Variants in CATIP observed in about 807,000 individuals in gnomAD.
The protein encoded by CATIP is ciliogenesis associated TTC17 interacting protein.
In CATIP, 40 loss-of-function variants were observed where a neutral mutation model predicts 42.5. The ratio of observed to expected loss-of-function variants is 0.94; its 90% CI spans 0.73 to 1.22. The LOEUF (loss-of-function observed/expected upper bound fraction) is 1.22. Ranked by LOEUF, CATIP falls within the 50% of genes most tolerant of loss-of-function variation. The pLI is 0.00. For synonymous variants in CATIP, 222 were observed against 200.2 expected (o/e 1.11, Z -0.92); for missense variants, 489 against 496.0 (o/e 0.99, Z 0.13).
intron 6 of CATIP, among the ~76,000 whole-genome samples, chr2:218,363,211 T>C (rs1041766452): frequency 4.6e-5 from 7 of 151,956 alleles, no homozygotes; most frequent in East Asian, 1.9e-4. Flanking sequence ...CCAGGTGTGG[T>C]GGCTCACGCC....
chr2:218,357,718 C>CGGAAATTCCCTCCTGGGTA lies in CATIP; in HGVS notation c.305_319+4dup, dbSNP rs776215081. On this transcript the variant is annotated frameshift_variant, in exon 3 of 10. Coordinates refer to ENST00000289388, the MANE Select transcript of CATIP (RefSeq NM_198559.2). LOFTEE classifies it high-confidence loss of function. The stretch of plus-strand genomic sequence containing the variant: ...GAGGCTTCTTGGACAAAATGCTCTG[C>CGGAAATTCCCTCCTGGGTA]GGAAATTCCCTCCTGGGTAGCGTTC... 14 of 1,613,376 alleles carry CGGAAATTCCCTCCTGGGTA rather than the reference C, an allele frequency of 8.7e-6. No homozygotes were observed. The highest frequency in any genetic ancestry group is 1.3e-5 in the African/African-American group (1 of 74,878).
At chr2:218,363,664 C>A (rs1168501022) in intron 6 of CATIP, among the ~76,000 whole-genome samples, 4 of 151,052 alleles carry the variant, frequency 2.6e-5, no homozygotes, top group Non-Finnish European at 5.9e-5. Context: ...TTATTAGCTG[C>A]GTGTGGTGGC....
Position 218,364,590 on chromosome 2 carries a change from C to T in CATIP, c.631-38C>T, listed in dbSNP as rs780926329. The T allele has an allele frequency of 2.1e-4, 344 of 1,609,016 alleles. 1 individual carries two copies. In the Middle Eastern group the frequency reaches 5.1e-3, roughly 24 times the overall value. ...TGATGGGGAGCCCTTGGCGGGCATC[C>T]ACCTTACCTCCCACCCCCCAATTTT... On this transcript the variant is annotated intron_variant, in intron 6 of 9. Transcript: ENST00000289388.
Position 218,368,033 on chromosome 2 carries a change from G to A in CATIP, c.*69G>A, listed in dbSNP as rs1037087357. 4 of 1,437,746 alleles carry A rather than the reference G, an allele frequency of 2.8e-6. No individual in the cohort carries two copies. Among genetic ancestry groups the A allele is most frequent in the Non-Finnish European group, 3.6e-6 (4 of 1,102,154 alleles). 89.1% of individuals were successfully genotyped at this position (1,437,746 alleles called of 1,614,324 possible). ...TGGGACGCGGGCGGGACGCGCCGGGGCGGGTGCGCTTTCCGGGCTGCGGTT... is the reference window on the plus strand; with the variant it reads ...TGGGACGCGGGCGGGACGCGCCGGGACGGGTGCGCTTTCCGGGCTGCGGTT... On this transcript the variant is annotated 3_prime_UTR_variant, in exon 10 of 10. Coordinates refer to ENST00000289388, the MANE Select transcript of CATIP (RefSeq NM_198559.2).
intron 7 of CATIP, chr2:218,366,012 A>C (rs928546212): frequency 6.6e-6 from 1 of 152,088 alleles, no homozygotes; most frequent in African/African-American, 2.4e-5. Context: ...ACAGGCTTTC[A>C]CCATGTTGGC....
intron 5 of CATIP, among the ~76,000 whole-genome samples, chr2:218,362,524 T>C (rs763991567): frequency 6.6e-6 from 1 of 151,864 alleles, no homozygotes; most frequent in Non-Finnish European, 1.5e-5. Context: ...TCCCTGCTAC[T>C]TGAAAGGCTG....
intron 5 of CATIP, 51 bp downstream of exon 5, chr2:218,360,710 T>C (rs757436864): frequency 7.4e-7 from 1 of 1,358,690 alleles, no homozygotes; most frequent in East Asian, 2.3e-5. Context: ...GAACCCAGAA[T>C]ATCTGAGACA....
At chr2:218,365,255 A>G (rs1352325686) in intron 7 of CATIP, among the ~76,000 whole-genome samples, 2 of 152,124 alleles carry the variant, frequency 1.3e-5, no homozygotes, top group African/African-American at 4.8e-5. Context: ...TCTACTAAAA[A>G]TACAAAAAAT....
chr2:218,363,515 C>A (rs1022568041), intron 6 of CATIP, among the ~76,000 whole-genome samples: 3 of 140,734 alleles, frequency 2.1e-5, no homozygotes, highest in Non-Finnish European at 4.6e-5. Context: ...AAAAAAACGT[C>A]ATTTTGGCCA....
intron 6 of CATIP, among the ~76,000 whole-genome samples, chr2:218,364,410 A>G (rs1038100621): frequency 6.6e-6 from 1 of 152,186 alleles, no homozygotes; most frequent in African/African-American, 2.4e-5. Context: ...GCCAACTAGA[A>G]GCACCTGGTC....
intron 8 of CATIP, 120 bp downstream of exon 8, chr2:218,367,220 C>G: frequency 2.4e-6 from 2 of 826,080 alleles, no homozygotes; most frequent in Non-Finnish European, 3.9e-6. Context: ...AGCCTGGAAT[C>G]AGCTGGAGAA....
chr2:218,361,270 AGGG>A (rs1695225272), intron 5 of CATIP, among the ~76,000 whole-genome samples: 1 of 151,380 alleles, frequency 6.6e-6, no homozygotes, highest in Admixed American at 6.6e-5. Context: ...GCTACTCGGG[AGGG>A]TGAGGCAGGA....
intron 7 of CATIP, 150 bp from the exon 8 acceptor site, chr2:218,366,874 G>A (rs1048567886): frequency 5.8e-6 from 4 of 687,250 alleles, no homozygotes; most frequent in South Asian, 1.5e-5. Flanking sequence ...ATCTGATTCG[G>A]GCCCCACCCT....
chr2:218,362,529 A>G (rs1408577004), intron 5 of CATIP, among the ~76,000 whole-genome samples: 1 of 151,770 alleles, frequency 6.6e-6, no homozygotes, highest in African/African-American at 2.4e-5. Flanking sequence ...GCTACTTGAA[A>G]GGCTGAGGCA....
At position 218,357,657 on chromosome 2, in the gene CATIP, T is replaced by C. The variant is rs1479836373; in HGVS notation, c.242T>C (p.Met81Thr). ...GGGAAATACCAGGAAAAACTCGGCATGCTGACATACTGCCTCTTCGTGCAT... is the reference window on the plus strand; with the variant it reads ...GGGAAATACCAGGAAAAACTCGGCACGCTGACATACTGCCTCTTCGTGCAT... ...QRGKYQEKLG[M>T]LTYCLFVHAS... is the part of the protein sequence containing the mutation. The change falls in exon 3 of 10, where the codon ATG becomes ACG. Residue 81 changes from methionine to threonine, a missense_variant. Transcript: ENST00000289388. 1.1e-5 allele frequency: 17 copies of C among 1,613,980 alleles called. No individual in the cohort carries two copies. Among genetic ancestry groups the C allele is most frequent in the Non-Finnish European group, 1.4e-5 (16 of 1,180,022 alleles).
Position 218,367,455 on chromosome 2 carries a change from TGA to T in CATIP, c.861_862del (p.Lys288GlufsTer?). The T allele has an allele frequency of 6.2e-7, 1 of 1,614,020 alleles. No homozygotes were observed. The highest frequency in any genetic ancestry group is 8.5e-7 in the Non-Finnish European group (1 of 1,179,944). On this transcript the variant is annotated frameshift_variant, in exon 9 of 10. Coordinates refer to ENST00000289388, the MANE Select transcript of CATIP (RefSeq NM_198559.2). LOFTEE classifies it high-confidence loss of function. ...ATGAGATTGAGCCACGCCCAGTGTTTGAGAAGAAGCCCCTGGTATGGGAGGAG... is the reference window on the plus strand; with the variant it reads ...ATGAGATTGAGCCACGCCCAGTGTTTGAAGAAGCCCCTGGTATGGGAGGAG... The part of the protein sequence containing the change: ...EDEIEPRPVF[E>X]KKPLVWEEDM...
intron 5 of CATIP, among the ~76,000 whole-genome samples, chr2:218,362,060 T>TG (rs1695253083): frequency 6.6e-6 from 1 of 151,202 alleles, no homozygotes; most frequent in African/African-American, 2.4e-5. Context: ...AAAAACCATA[T>TG]GACCGGCTGA....
chr2:218,362,982 C>A, intron 6 of CATIP, 80 bp downstream of exon 6: 1 of 1,396,222 alleles, frequency 7.2e-7, no homozygotes, highest in Non-Finnish European at 9.7e-7. Context: ...TGGGGAACAG[C>A]TGTGGAGTAG....
At chr2:218,367,663 G>C in intron 9 of CATIP, 59 bp from the exon 10 acceptor site, 2 of 1,575,396 alleles carry the variant, frequency 1.3e-6, no homozygotes, top group Middle Eastern at 1.7e-4. Context: ...CGAGCGGCTG[G>C]GGGCTCCTGG....
Sources: gnomAD v4.1 joint callset for allele counts (sites outside exome capture counted in the v4.1 genomes callset) on GRCh38, gnomAD v4.1.1 for gene constraint, MANE v1.5 for transcripts, NCBI Gene and HGNC (gene_info 2026-07-23, HGNC 2026-07-21) for gene names.